The following HIVEP2 variants were observed in gnomAD, a reference collection of about 807,000 sequenced individuals.
HIVEP2 encodes the protein HIVEP zinc finger 2, also known as transcription factor HIVEP2.
Under a neutral mutation model 180.7 loss-of-function variants are expected in HIVEP2, and 14 were observed. The ratio of observed to expected loss-of-function variants is 0.08; its 90% CI spans 0.05 to 0.12. The LOEUF (loss-of-function observed/expected upper bound fraction) is 0.12. Ranked by LOEUF, HIVEP2 falls within the 10% of genes least tolerant of loss-of-function variation. HIVEP2 has a pLI of 1.00. For missense variants in HIVEP2, 2,579 were observed against 3,008.5 expected, an observed-to-expected ratio of 0.86 and a Z score of 3.34; for synonymous variants, 1,184 against 1,136.4, an observed-to-expected ratio of 1.04 and a Z score of -0.84.
chr6:142,934,787 T>C (rs1778015257), intron 1 of HIVEP2, among the ~76,000 whole-genome samples: 2 of 152,216 alleles, frequency 1.3e-5, no homozygotes, highest in Admixed American at 1.3e-4. Flanking sequence ...ACCACTTGCT[T>C]TGCATGAAAG....
chr6:142,881,893 A>G (rs1776581790), intron 1 of HIVEP2, among the ~76,000 whole-genome samples: 1 of 134,666 alleles, frequency 7.4e-6, no homozygotes, highest in Non-Finnish European at 1.7e-5. Flanking sequence ...AGTGCCTCAC[A>G]GTGGATCTAC....
At chr6:142,941,507 T>C (rs1233194348) in intron 1 of HIVEP2, among the ~76,000 whole-genome samples, 1 of 152,224 alleles carries the variant, frequency 6.6e-6, no homozygotes, top group East Asian at 1.9e-4. Flanking sequence ...CATAAAGTTT[T>C]CCTATTTCCC....
chr6:142,907,412 A>G (rs1032895535), intron 1 of HIVEP2, among the ~76,000 whole-genome samples: 1 of 152,208 alleles, frequency 6.6e-6, no homozygotes, highest in Non-Finnish European at 1.5e-5. Flanking sequence ...TGTTGTGAAG[A>G]AATCTAAAAC....
chr6:142,803,264 T>A (rs764031830), intron 2 of HIVEP2, among the ~76,000 whole-genome samples: 10 of 152,240 alleles, frequency 6.6e-5, no homozygotes, highest in African/African-American at 2.4e-4. Flanking sequence ...ACCAGGAGGA[T>A]CTCTTTACTT....
chr6:142,859,604 T>C (rs1775916398), intron 1 of HIVEP2, among the ~76,000 whole-genome samples: 14 of 150,672 alleles, frequency 9.3e-5, no homozygotes, highest in Admixed American at 7.9e-4. Context: ...GAGGCCAAGG[T>C]GGGTGGATCA....
At chr6:142,805,282 C>A (rs1439311037) in intron 2 of HIVEP2, among the ~76,000 whole-genome samples, 2 of 152,100 alleles carry the variant, frequency 1.3e-5, no homozygotes, top group African/African-American at 4.8e-5. Context: ...GAGGGAACAG[C>A]TTGTGCTCCC....
intron 2 of HIVEP2, among the ~76,000 whole-genome samples, chr6:142,810,254 T>A (rs1776658267): frequency 6.6e-6 from 1 of 151,980 alleles, no homozygotes; most frequent in Non-Finnish European, 1.5e-5. Context: ...AAAGTAAATG[T>A]TGATATATTT....
intron 9 of HIVEP2, 35 bp from the exon 10 acceptor site, chr6:142,753,966 A>G: frequency 8.8e-7 from 1 of 1,141,792 alleles, no homozygotes; most frequent in Non-Finnish European, 1.3e-6. Context: ...CAAAATTCAG[A>G]GCCTGCTACG....
intron 1 of HIVEP2, among the ~76,000 whole-genome samples, chr6:142,851,091 C>A (rs1775659294): frequency 6.6e-6 from 1 of 152,082 alleles, no homozygotes; most frequent in Non-Finnish European, 1.5e-5. Context: ...AATAGAAGCA[C>A]TTTCATATTC....
rs529917980 is a variant in HIVEP2 at position 142,765,311 on chromosome 6, T to C, written c.5343-337A>G. On this transcript the variant is annotated intron_variant, in intron 6 of 9. Coordinates refer to ENST00000367603, the MANE Select transcript of HIVEP2 (RefSeq NM_006734.4). ...CAGACCTTTGGACTGGATTCTAGTATGGCCTCCAATCAAGGGACATACAAA... is the reference window on the plus strand; with the variant it reads ...CAGACCTTTGGACTGGATTCTAGTACGGCCTCCAATCAAGGGACATACAAA... 3.9e-5 allele frequency among the ~76,000 whole-genome samples: 6 copies of C among 152,346 alleles called. No homozygotes were observed. In the South Asian group the frequency reaches 6.2e-4, roughly 16 times the overall value.
At chr6:142,798,268 C>CA (rs200836838) in intron 2 of HIVEP2, among the ~76,000 whole-genome samples, 1,925 of 143,082 alleles carry the variant, frequency 0.013, 53 homozygotes, top group African/African-American at 0.044. Context: ...GACTTCGTCT[C>CA]AAAAAAAAAA....
intron 9 of HIVEP2, among the ~76,000 whole-genome samples, chr6:142,756,739 C>G (rs1353369062): frequency 6.6e-6 from 1 of 151,580 alleles, no homozygotes; most frequent in Non-Finnish European, 1.5e-5. Flanking sequence ...AACCTCGAAC[C>G]ATGCGTAGTA....
At chr6:142,799,742 T>C (rs1384859616) in intron 2 of HIVEP2, among the ~76,000 whole-genome samples, 1 of 152,114 alleles carries the variant, frequency 6.6e-6, no homozygotes, top group East Asian at 1.9e-4. Context: ...GGTGGTAGAA[T>C]AGCAAACTAG....
chr6:142,811,902 G>T (rs1022581026), intron 2 of HIVEP2, among the ~76,000 whole-genome samples: 1 of 152,216 alleles, frequency 6.6e-6, no homozygotes. Flanking sequence ...TGAAAACAGC[G>T]ATAGAAGTAG....
At chr6:142,825,889 A>G (rs1260771696) in intron 2 of HIVEP2, among the ~76,000 whole-genome samples, 2 of 152,248 alleles carry the variant, frequency 1.3e-5, no homozygotes, top group Middle Eastern at 3.4e-3. Flanking sequence ...CAGACTTTCA[A>G]CATGCTTCAA....
chr6:142,848,320 A>C (rs529069908), intron 1 of HIVEP2, among the ~76,000 whole-genome samples: 18 of 152,350 alleles, frequency 1.2e-4, no homozygotes, highest in Middle Eastern at 6.8e-3. Context: ...TTTACTGCTT[A>C]AGTAAATGAA....
At chr6:142,924,676 T>A (rs1010158642) in intron 1 of HIVEP2, among the ~76,000 whole-genome samples, 2 of 152,244 alleles carry the variant, frequency 1.3e-5, no homozygotes, top group African/African-American at 2.4e-5. Context: ...CAAAAGTAGA[T>A]ATATTTGTAA....
At chr6:142,769,240 A>C (rs1480041114) in intron 5 of HIVEP2, among the ~76,000 whole-genome samples, 1 of 152,218 alleles carries the variant, frequency 6.6e-6, no homozygotes, top group African/African-American at 2.4e-5. Context: ...TAGGTCACTC[A>C]CAAAGGTCAG....
chr6:142,821,990 C>T (rs1333330547), intron 2 of HIVEP2, among the ~76,000 whole-genome samples: 3 of 152,154 alleles, frequency 2.0e-5, no homozygotes, highest in East Asian at 1.9e-4. Context: ...GCTTGGACTT[C>T]GTCATAATCA....
Sources: gnomAD v4.1 joint callset for allele counts (sites outside exome capture counted in the v4.1 genomes callset) on GRCh38, gnomAD v4.1.1 for gene constraint, MANE v1.5 for transcripts, NCBI Gene and HGNC (gene_info 2026-07-23, HGNC 2026-07-21) for gene names.